ANK3: variants seen among roughly 807,000 people sequenced by gnomAD.
The protein encoded by ANK3 is ankyrin 3, also known as ankyrin-3.
A neutral mutation model predicts 370.9 loss-of-function variants in ANK3; 57 were observed. That is an observed-to-expected ratio of 0.15 (90% confidence interval 0.12 to 0.19). The LOEUF is 0.19. Ranked by LOEUF, ANK3 falls within the 10% of genes least tolerant of loss-of-function variation. The pLI is 1.00. For missense variants in ANK3, 4,439 were observed against 5,302.1 expected, an observed-to-expected ratio of 0.84 and a Z score of 5.06; for synonymous variants, 1,929 against 1,946.3, an observed-to-expected ratio of 0.99 and a Z score of 0.23.
chr10:60,087,872 C>T (rs368319212), intron 29 of ANK3, among the ~76,000 whole-genome samples: 2 of 152,294 alleles, frequency 1.3e-5, no homozygotes, highest in East Asian at 1.9e-4. Flanking sequence ...TGTTGTTCCA[C>T]ATACTGAGAC....
chr10:60,305,988 A>ATTTT (rs142632967), intron 1 of ANK3, among the ~76,000 whole-genome samples: 3 of 151,212 alleles, frequency 2.0e-5, no homozygotes, highest in African/African-American at 7.3e-5. Flanking sequence ...GTAAAAATAC[A>ATTTT]TTTTTTTTTC....
At chr10:60,031,524 A>G (rs531656131) in intron 43 of ANK3, among the ~76,000 whole-genome samples, 22 of 152,204 alleles carry the variant, frequency 1.4e-4, no homozygotes, top group Non-Finnish European at 1.2e-4. Context: ...TTGCATGCCT[A>G]CCTGCCTGAG....
chr10:60,257,629 C>T (rs1422001024), intron 7 of ANK3, among the ~76,000 whole-genome samples: 1 of 151,838 alleles, frequency 6.6e-6, no homozygotes, highest in Non-Finnish European at 1.5e-5. Flanking sequence ...ATTATCCATG[C>T]TTCCCTTTCC....
At position 60,640,741 on chromosome 10, in the gene ANK3, C is replaced by T. The variant is rs1178342214; in HGVS notation, c.58-25517G>A. Among the ~76,000 whole-genome samples the T allele has an allele frequency of 6.7e-5, 6 of 89,064 alleles. 1 individual carries two copies. The highest frequency in any genetic ancestry group is 1.3e-4 in the Non-Finnish European group (5 of 39,632). The allele number at this position is 89,064 out of a possible 152,430, so 58.4% of individuals were successfully genotyped here. On this transcript the variant is annotated intron_variant, in intron 1 of 43. Coordinates refer to the ANK3 transcript ENST00000373827. ...TGAAAACTGGCACAAGACAGCGATG[C>T]CCTCTCTCACCACTCCTATTCAACA...
intron 2 of ANK3, among the ~76,000 whole-genome samples, chr10:60,538,173 A>C (rs192788018): frequency 6.6e-6 from 1 of 152,014 alleles, no homozygotes; most frequent in African/African-American, 2.4e-5. Context: ...TTAGAAGTAG[A>C]GAAGATATTT....
intron 25 of ANK3, among the ~76,000 whole-genome samples, chr10:60,118,669 TGAGTG>T (rs77331325): frequency 0.27 from 41,678 of 151,678 alleles, 6,169 homozygotes; most frequent in East Asian, 0.64. Flanking sequence ...TTTTTTGGCA[TGAGTG>T]GAGTGGAGGG....
At chr10:60,384,189 C>G (rs1220006853) in intron 1 of ANK3, among the ~76,000 whole-genome samples, 1 of 152,156 alleles carries the variant, frequency 6.6e-6, no homozygotes, top group Non-Finnish European at 1.5e-5. Context: ...CTGCACATTG[C>G]TGACATACAA....
chr10:60,138,907 T>A, intron 24 of ANK3, 57 bp downstream of exon 24: 1 of 1,598,156 alleles, frequency 6.3e-7, no homozygotes, highest in Non-Finnish European at 8.5e-7. Flanking sequence ...TGATTTTGAT[T>A]TATGACAAAT....
intron 1 of ANK3, chr10:60,684,401 G>C (rs2079240350): frequency 1.6e-6 from 1 of 643,894 alleles, no homozygotes; most frequent in Admixed American, 2.9e-5. Flanking sequence ...TGAAGGGGAG[G>C]GAAGGATGGT....
At chr10:60,267,850 C>T (rs2097904514) in intron 5 of ANK3, among the ~76,000 whole-genome samples, 1 of 152,112 alleles carries the variant, frequency 6.6e-6, no homozygotes, top group African/African-American at 2.4e-5. Flanking sequence ...TATTTCCATC[C>T]AAAAAATGAG....
chr10:60,361,557 C>T (rs1426233584), intron 1 of ANK3, among the ~76,000 whole-genome samples: 1 of 152,058 alleles, frequency 6.6e-6, no homozygotes. Flanking sequence ...TGTATTATTC[C>T]ACTTGTATTT....
intron 18 of ANK3, among the ~76,000 whole-genome samples, chr10:60,175,800 CTG>C (rs2095918863): frequency 6.6e-6 from 1 of 152,196 alleles, no homozygotes; most frequent in South Asian, 2.1e-4. Flanking sequence ...TACTTACTAT[CTG>C]TGTGAATTTG....
At chr10:60,108,019 A>G (rs1438518704) in intron 27 of ANK3, among the ~76,000 whole-genome samples, 5 of 152,180 alleles carry the variant, frequency 3.3e-5, no homozygotes, top group Non-Finnish European at 7.3e-5. Context: ...TCAAGCCACT[A>G]TGATTTTTTT....
chr10:60,113,273 C>G (rs4948388), intron 26 of ANK3, among the ~76,000 whole-genome samples: 2 of 152,128 alleles, frequency 1.3e-5, no homozygotes, highest in East Asian at 3.8e-4. Context: ...TGTAATTTTA[C>G]TTCAGAAATG....
chr10:60,205,479 C>T (rs2096748363), intron 11 of ANK3, among the ~76,000 whole-genome samples: 1 of 152,178 alleles, frequency 6.6e-6, no homozygotes, highest in South Asian at 2.1e-4. Context: ...GACAAAACTG[C>T]ACCCACTAGA....
chr10:60,582,279 T>TAAG (rs1567163019), intron 2 of ANK3, among the ~76,000 whole-genome samples: 1 of 151,972 alleles, frequency 6.6e-6, no homozygotes, highest in Admixed American at 6.6e-5. Context: ...ATAATAATAA[T>TAAG]AAGAAGAAAA....
At chr10:60,210,057 A>G (rs1180529650) in intron 9 of ANK3, among the ~76,000 whole-genome samples, 1 of 152,192 alleles carries the variant, frequency 6.6e-6, no homozygotes. Context: ...ATTCTTGAAG[A>G]ACGGGTCAGA....
intron 2 of ANK3, among the ~76,000 whole-genome samples, chr10:60,410,731 A>G (rs552174379): frequency 6.6e-6 from 1 of 151,738 alleles, no homozygotes; most frequent in South Asian, 2.1e-4. Context: ...CAATTGTGCA[A>G]TCATAGCTCA....
At chr10:60,698,560 T>C (rs1232361474) in intron 1 of ANK3, among the ~76,000 whole-genome samples, 35 of 149,536 alleles carry the variant, frequency 2.3e-4, no homozygotes, top group Middle Eastern at 3.4e-3. Flanking sequence ...CACCATGGAA[T>C]ACTATGCAGC....
Sources: allele counts gnomAD v4.1 joint callset (sites outside exome capture counted in the v4.1 genomes callset), GRCh38; gene constraint gnomAD v4.1.1; transcripts MANE v1.5; gene names NCBI Gene and HGNC (gene_info 2026-07-23, HGNC 2026-07-21).